Variants in DERA observed in about 807,000 individuals in gnomAD.
DERA encodes 2-deoxy-D-ribose 5-phosphate aldolase.
A neutral mutation model predicts 41.1 loss-of-function variants in DERA; 15 were observed. The observed-to-expected ratio is 0.37, with a 90% CI of 0.24 to 0.56. The LOEUF (loss-of-function observed/expected upper bound fraction) is 0.56, where lower values mean the gene tolerates loss of function less well. Ranked by LOEUF, DERA falls within the 20% of genes least tolerant of loss-of-function variation. DERA has a pLI of 0.81. For missense variants in DERA, 396 were observed against 403.4 expected, an observed-to-expected ratio of 0.98 and a Z score of 0.16; for synonymous variants, 139 against 137.4, an observed-to-expected ratio of 1.01 and a Z score of -0.08.
In DERA at chr12:15,959,524, T is replaced by A. The variant is rs1380155925; in HGVS notation, c.278-305T>A. 6.6e-6 allele frequency among the ~76,000 whole-genome samples: 1 copy of A among 152,214 alleles called. No homozygotes were observed. Among genetic ancestry groups the A allele is most frequent in the Non-Finnish European group, 1.5e-5 (1 of 68,032 alleles). Reference sequence around the variant, plus strand: ...GGATTTTGTTATCTACATGAAATATTTGCATTTAGTAATGATCACCAAATT... The same window carrying A: ...GGATTTTGTTATCTACATGAAATATATGCATTTAGTAATGATCACCAAATT... On this transcript the variant is annotated intron_variant, in intron 3 of 8. Coordinates refer to ENST00000428559, the MANE Select transcript of DERA (RefSeq NM_015954.4). The surrounding 1 kb of genome is among the most constrained non-coding windows in gnomAD (Gnocchi z 4.5).
chr12:15,956,982 G>C lies in DERA; in HGVS notation c.78G>C (p.Leu26=), dbSNP rs755555578. Residue 26 remains leucine (L), a synonymous_variant, in exon 2 of 9, where the codon CTG becomes CTC. Transcript: ENST00000428559. ...SKIQVNHPAV[L]RRAEQIQARR... ...TACAAGTGAATCACCCGGCAGTTCTGAGGCGTGCGGAACAAATCCAGGCTC... is the reference window on the plus strand; with the variant it reads ...TACAAGTGAATCACCCGGCAGTTCTCAGGCGTGCGGAACAAATCCAGGCTC... 1.2e-6 allele frequency: 2 copies of C among 1,613,922 alleles called. No individual in the cohort carries two copies. The highest frequency in any genetic ancestry group is 8.5e-7 in the Non-Finnish European group (1 of 1,179,852).
chr12:15,934,269 A>G (rs1308097488), intron 1 of DERA, among the ~76,000 whole-genome samples: 2 of 152,042 alleles, frequency 1.3e-5, no homozygotes, highest in Non-Finnish European at 2.9e-5. Flanking sequence ...GCGGGTTTGG[A>G]TGTATTAGAA....
At chr12:15,929,194 A>G (rs1456765700) in intron 1 of DERA, among the ~76,000 whole-genome samples, 1 of 152,188 alleles carries the variant, frequency 6.6e-6, no homozygotes, top group Non-Finnish European at 1.5e-5. Context: ...GGGTACATCT[A>G]AGGACTCCCT....
At chr12:15,920,730 C>T (rs993455167) in intron 1 of DERA, among the ~76,000 whole-genome samples, 2 of 152,116 alleles carry the variant, frequency 1.3e-5, no homozygotes, top group African/African-American at 2.4e-5. Context: ...CAGCTACTCG[C>T]GAGGCTGAGG....
chr12:16,007,288 A>AT (rs1354505056), intron 6 of DERA, among the ~76,000 whole-genome samples: 1 of 148,370 alleles, frequency 6.7e-6, no homozygotes, highest in Non-Finnish European at 1.5e-5. Context: ...GGTTCAAGTG[A>AT]TTCTTGTGCC....
chr12:15,958,073 A>C, intron 2 of DERA, 115 bp from the exon 3 acceptor site: 1 of 776,332 alleles, frequency 1.3e-6, no homozygotes, highest in Non-Finnish European at 2.0e-6. Flanking sequence ...CAGTGTAGGC[A>C]TAAGATATTA....
In DERA at chr12:15,998,884, T is replaced by C. The variant is rs1229927235; in HGVS notation, c.637+16448T>C. The stretch of plus-strand genomic sequence containing the variant: ...AATGTAGCCTGTGTCAGTTGCACTA[T>C]AGGTCCTAACCAACGCATATACAGT... On this transcript the variant is annotated intron_variant, in intron 6 of 8. Coordinates refer to ENST00000428559, the MANE Select transcript of DERA (RefSeq NM_015954.4). This position sits in a 1 kb window ranked among gnomAD's most constrained non-coding sequence, Gnocchi z 4.8. Among the ~76,000 whole-genome samples, 1 of 152,208 alleles carries C rather than the reference T, an allele frequency of 6.6e-6. No homozygotes were observed. The highest frequency in any genetic ancestry group is 1.5e-5 in the Non-Finnish European group (1 of 68,038).
At chr12:15,917,497 C>A (rs558140179) in intron 1 of DERA, among the ~76,000 whole-genome samples, 1 of 152,134 alleles carries the variant, frequency 6.6e-6, no homozygotes, top group African/African-American at 2.4e-5. Flanking sequence ...CTAACATAAT[C>A]TCTTTTAATT....
rs1325495125 is a variant in DERA at position 15,995,837 on chromosome 12, G to T, written c.637+13401G>T. On this transcript the variant is annotated intron_variant, in intron 6 of 8. Transcript: ENST00000428559. The surrounding 1 kb of genome is among the most constrained non-coding windows in gnomAD (Gnocchi z 5.1). ...GTTGTAATATTATGTTCAAATACTT[G>T]GAAGATTTTCCTGATAAAGGAAGAT... Among the ~76,000 whole-genome samples, 6 of 152,276 alleles carry T rather than the reference G, an allele frequency of 3.9e-5. No homozygotes were observed. The South Asian group carries it at 6.2e-4, about 16-fold the overall frequency.
At position 15,989,247 on chromosome 12, in the gene DERA, C is replaced by T. The variant is rs1948785969; in HGVS notation, c.637+6811C>T. Among the ~76,000 whole-genome samples the T allele has an allele frequency of 6.6e-6, 1 of 152,234 alleles. No individual in the cohort carries two copies. Among genetic ancestry groups the T allele is most frequent in the African/African-American group, 2.4e-5 (1 of 41,454 alleles). ...AGTGTGCAGCCCTAGCCACGCCTCC[C>T]CCGCTGCAACTGGCATCCCCACGGT... On this transcript the variant is annotated intron_variant, in intron 6 of 8. Transcript: ENST00000428559. The surrounding 1 kb of genome is among the most constrained non-coding windows in gnomAD (Gnocchi z 5.2).
At chr12:15,925,087 C>T (rs1055310905) in intron 1 of DERA, among the ~76,000 whole-genome samples, 7 of 152,214 alleles carry the variant, frequency 4.6e-5, no homozygotes, top group African/African-American at 1.7e-4. Flanking sequence ...ACTTCATTCT[C>T]TCTCTCTTTG....
chr12:15,938,940 G>A lies in DERA; in HGVS notation c.32-17996G>A, dbSNP rs529104916. Among the ~76,000 whole-genome samples, 5 of 152,346 alleles carry A rather than the reference G, an allele frequency of 3.3e-5. No individual in the cohort carries two copies. Among genetic ancestry groups the A allele is most frequent in the African/African-American group, 1.2e-4 (5 of 41,568 alleles). On this transcript the variant is annotated intron_variant, in intron 1 of 8. Transcript: ENST00000428559. The surrounding 1 kb of genome is among the most constrained non-coding windows in gnomAD (Gnocchi z 4.1). ...AGGAGCTTGTGGTAGCTAGTCTCCA[G>A]AGATGGACCACGTCTCTGGTATTGA...
rs1406227877 is a variant in DERA at position 15,976,656 on chromosome 12, C to T, written c.509-5652C>T. 3.3e-5 allele frequency among the ~76,000 whole-genome samples: 5 copies of T among 152,170 alleles called. No individual in the cohort carries two copies. The highest frequency in any genetic ancestry group is 9.7e-5 in the African/African-American group (4 of 41,438). On this transcript the variant is annotated intron_variant, in intron 5 of 8. Transcript: ENST00000428559. This position sits in a 1 kb window ranked among gnomAD's most constrained non-coding sequence, Gnocchi z 4.1. The stretch of plus-strand genomic sequence containing the variant: ...AACTTTTAGAGTAAGTCAACGTTTA[C>T]CATCATTTTACGTGTGCTTATTATC...
In DERA at chr12:15,998,696, T is replaced by G. The variant is rs11836729; in HGVS notation, c.637+16260T>G. On this transcript the variant is annotated intron_variant, in intron 6 of 8. Transcript: ENST00000428559. The surrounding 1 kb of genome is among the most constrained non-coding windows in gnomAD (Gnocchi z 4.8). ...TTCAGATTCTGAGGTAGGAAGCACC[T>G]TTAGCATAGGCAGTCCACAGTTAAC... Among the ~76,000 whole-genome samples, 9,935 of 152,236 alleles carry G rather than the reference T, an allele frequency of 0.065. 1,044 individuals carry two copies. The highest frequency in any genetic ancestry group is 0.22 in the African/African-American group (9,149 of 41,506).
rs1437227690 is a variant in DERA, at chr12:15,999,109, GGC to G, written c.637+16674_637+16675del. Among the ~76,000 whole-genome samples the G allele has an allele frequency of 6.6e-6, 1 of 152,280 alleles. No homozygotes were observed. Among genetic ancestry groups the G allele is most frequent in the African/African-American group, 2.4e-5 (1 of 41,554 alleles). The stretch of plus-strand genomic sequence containing the variant: ...AAATGAGGGATGGAGGGTTGGTGAG[GGC>G]TGGAGGGAAGACTGAGGCACTGTGG... On this transcript the variant is annotated intron_variant, in intron 6 of 8. Coordinates refer to ENST00000428559, the MANE Select transcript of DERA (RefSeq NM_015954.4). This position sits in a 1 kb window ranked among gnomAD's most constrained non-coding sequence, Gnocchi z 5.3.
At chr12:15,997,512 A>T (rs902352808) in intron 6 of DERA, among the ~76,000 whole-genome samples, 1 of 152,200 alleles carries the variant, frequency 6.6e-6, no homozygotes, top group Admixed American at 6.5e-5. Flanking sequence ...TTCGGTAAAA[A>T]TACTTGAGTT....
At position 15,915,963 on chromosome 12, in the gene DERA, C is replaced by T. The variant is rs1033990582; in HGVS notation, c.31+4549C>T. 2.0e-5 allele frequency among the ~76,000 whole-genome samples: 3 copies of T among 152,204 alleles called. No homozygotes were observed. The highest frequency in any genetic ancestry group is 4.4e-5 in the Non-Finnish European group (3 of 68,042). Reference sequence around the variant, plus strand: ...TGCTTAAACAACCACACTGTGTCGACTGGTGCTAACTGGGAGCACTACACC... The same window carrying T: ...TGCTTAAACAACCACACTGTGTCGATTGGTGCTAACTGGGAGCACTACACC... On this transcript the variant is annotated intron_variant, in intron 1 of 8. Transcript: ENST00000428559. This position sits in a 1 kb window ranked among gnomAD's most constrained non-coding sequence, Gnocchi z 4.8.
chr12:15,933,243 A>C (rs1016651544), intron 1 of DERA, among the ~76,000 whole-genome samples: 1 of 152,186 alleles, frequency 6.6e-6, no homozygotes, highest in Non-Finnish European at 1.5e-5. Context: ...AGGAACCTCT[A>C]TATACCATTC....
Position 15,994,554 on chromosome 12 carries a change from C to T in DERA, c.637+12118C>T, listed in dbSNP as rs763729353. 9.9e-5 allele frequency among the ~76,000 whole-genome samples: 15 copies of T among 152,280 alleles called. No homozygotes were observed. The highest frequency in any genetic ancestry group is 6.2e-4 in the South Asian group (3 of 4,824). On this transcript the variant is annotated intron_variant, in intron 6 of 8. Transcript: ENST00000428559. The surrounding 1 kb of genome is among the most constrained non-coding windows in gnomAD (Gnocchi z 4.8). ...CTGCAAGCTCTGCCTCCCGGGTTCA[C>T]GCCATTCTCCTGCCTCAGCCTCCTG... is the stretch of plus-strand genomic sequence containing the variant.
Sources: allele counts gnomAD v4.1 joint callset (sites outside exome capture counted in the v4.1 genomes callset), GRCh38; gene constraint gnomAD v4.1.1; non-coding constraint Gnocchi (gnomAD v3.1); transcripts MANE v1.5; gene names NCBI Gene and HGNC (gene_info 2026-07-23, HGNC 2026-07-21).